Variants in RGSL1 observed in about 807,000 individuals in gnomAD.
The protein encoded by RGSL1 is regulator of G protein signaling protein-like.
RGSL1 carries 97 observed loss-of-function variants against 124.7 expected under a neutral mutation model. The observed-to-expected ratio is 0.78, with a 90% CI of 0.66 to 0.92. RGSL1 has a LOEUF of 0.92. Ranked by LOEUF, RGSL1 falls within the 40% of genes least tolerant of loss-of-function variation. The probability of loss-of-function intolerance (pLI) is 0.00; values close to 1 mark genes in which losing one functional copy is unlikely to be tolerated. For synonymous variants in RGSL1, 424 were observed against 438.1 expected (o/e 0.97, Z 0.40); for missense variants, 1,233 against 1,288.4 (o/e 0.96, Z 0.66).
At chr1:182,472,671 G>C in intron 5 of RGSL1, 114 bp downstream of exon 5, 3 of 1,144,006 alleles carry the variant, frequency 2.6e-6, no homozygotes, top group Non-Finnish European at 3.6e-6. Context: ...CATCTTCTAT[G>C]TATCAGAGAG....
intron 2 of RGSL1, among the ~76,000 whole-genome samples, chr1:182,454,917 G>A (rs577590925): frequency 6.6e-6 from 1 of 152,076 alleles, no homozygotes; most frequent in South Asian, 2.1e-4. Flanking sequence ...CCCATAAGAT[G>A]GTATATACTA....
chr1:182,554,081 C>T (rs1660722353), intron 19 of RGSL1, among the ~76,000 whole-genome samples: 1 of 152,200 alleles, frequency 6.6e-6, no homozygotes, highest in South Asian at 2.1e-4. Flanking sequence ...CAACCCCACT[C>T]CCACACTCTA....
rs1484576281 is a variant in RGSL1, at chr1:182,489,110, TG to T, written c.1627del (p.Asp543ThrfsTer8). Reference sequence around the variant, plus strand: ...CAGGCTTTGGCTGACATGAAGGAAATGGACTATAGGCAGTGGCGAAAGATAG... The same window carrying T: ...CAGGCTTTGGCTGACATGAAGGAAATGACTATAGGCAGTGGCGAAAGATAG... The part of the protein sequence containing the change: ...LSQALADMKE[M>X]DYRQWRKIAT... On this transcript the variant is annotated frameshift_variant, in exon 8 of 22. Transcript: ENST00000294854. LOFTEE classifies it high-confidence loss of function. The T allele has an allele frequency of 1.3e-6, 2 of 1,551,440 alleles. No individual in the cohort carries two copies. The highest frequency in any genetic ancestry group is 1.7e-6 in the Non-Finnish European group (2 of 1,146,992).
At chr1:182,465,834 T>A (rs1395698351) in intron 4 of RGSL1, among the ~76,000 whole-genome samples, 4 of 152,066 alleles carry the variant, frequency 2.6e-5, no homozygotes, top group Non-Finnish European at 4.4e-5. Context: ...ATTACCCTGA[T>A]ACTAAAGCCA....
At chr1:182,509,836 C>T (rs1657247148) in intron 9 of RGSL1, among the ~76,000 whole-genome samples, 1 of 138,842 alleles carries the variant, frequency 7.2e-6, no homozygotes, top group African/African-American at 2.8e-5. Context: ...CCACCTCCCT[C>T]CCGGACGGGG....
chr1:182,480,570 C>T (rs987702026), intron 6 of RGSL1, among the ~76,000 whole-genome samples: 4 of 152,020 alleles, frequency 2.6e-5, no homozygotes, highest in Non-Finnish European at 4.4e-5. Flanking sequence ...ATTCCTCTAC[C>T]TTAGCCTCCT....
chr1:182,541,094 C>G (rs1248403543), intron 15 of RGSL1, among the ~76,000 whole-genome samples: 1 of 152,076 alleles, frequency 6.6e-6, no homozygotes, highest in Non-Finnish European at 1.5e-5. Flanking sequence ...TTATGCTAGA[C>G]AGATTCAAAT....
In RGSL1 at chr1:182,548,303, C is replaced by T. The variant is rs1660345447; in HGVS notation, c.2670-14C>T. On this transcript the variant is annotated splice_polypyrimidine_tract_variant and intron_variant, in intron 15 of 21. Transcript: ENST00000294854. ...CTTCTCCTCCTGATTTCCTACTTCA[C>T]ATTTCTTTTTTAGATTTAATGATCT... is the stretch of plus-strand genomic sequence containing the variant. 3.2e-6 allele frequency: 5 copies of T among 1,551,666 alleles called. No homozygotes were observed. Among genetic ancestry groups the T allele is most frequent in the Non-Finnish European group, 4.4e-6 (5 of 1,146,960 alleles).
At position 182,540,346 on chromosome 1, in the gene RGSL1, G is replaced by A. The variant is rs193256196; in HGVS notation, c.2594G>A (p.Arg865His). The change falls in exon 15 of 22, where the codon CGT (arginine) becomes CAT (histidine). Residue 865 changes from arginine to histidine, a missense_variant. Coordinates refer to ENST00000294854, the MANE Select transcript of RGSL1 (RefSeq NM_001137669.2). ...QENGEITLVKRRIFGHRIITV... is the reference protein window; with the variant it reads ...QENGEITLVKHRIFGHRIITV... Reference sequence around the variant, plus strand: ...AATGGAGAAATAACCCTTGTAAAGCGTCGTATATTTGGCCACAGGATTATC... The same window carrying A: ...AATGGAGAAATAACCCTTGTAAAGCATCGTATATTTGGCCACAGGATTATC... 2.4e-4 allele frequency: 378 copies of A among 1,551,320 alleles called. 1 individual carries two copies. In the African/African-American group the frequency reaches 3.9e-3, roughly 16 times the overall value.
At chr1:182,456,239 T>G (rs1376051046) in intron 2 of RGSL1, among the ~76,000 whole-genome samples, 1 of 152,094 alleles carries the variant, frequency 6.6e-6, no homozygotes, top group Non-Finnish European at 1.5e-5. Flanking sequence ...GGGTCTTTTA[T>G]GTGTTTCTCA....
At chr1:182,492,907 A>T in intron 8 of RGSL1, 115 bp from the exon 9 acceptor site, 2 of 712,158 alleles carry the variant, frequency 2.8e-6, no homozygotes, top group East Asian at 2.7e-5. Context: ...GGGATTACAA[A>T]CGTGAGCCAC....
At chr1:182,546,371 T>C (rs1207383013) in intron 15 of RGSL1, among the ~76,000 whole-genome samples, 4 of 152,008 alleles carry the variant, frequency 2.6e-5, no homozygotes, top group Non-Finnish European at 4.4e-5. Flanking sequence ...TGTTTTAAAC[T>C]GCCTGGCCAC....
rs1049408202 is a variant in RGSL1 at position 182,528,178 on chromosome 1, T to C, written c.2125+406T>C. Among the ~76,000 whole-genome samples, 39 of 152,030 alleles carry C rather than the reference T, an allele frequency of 2.6e-4. 2 individuals are homozygous for C. Among genetic ancestry groups the C allele is most frequent in the Non-Finnish European group, 2.9e-5 (2 of 67,990 alleles). On this transcript the variant is annotated intron_variant, in intron 11 of 21. Transcript: ENST00000294854. ...AAGCCCCTTGTAAAATCATCAGATCTCATGAGAACTCACTCACTATCATGA... is the reference window on the plus strand; with the variant it reads ...AAGCCCCTTGTAAAATCATCAGATCCCATGAGAACTCACTCACTATCATGA...
intron 6 of RGSL1, among the ~76,000 whole-genome samples, chr1:182,480,871 C>CA (rs902694110): frequency 1.3e-5 from 2 of 150,556 alleles, no homozygotes; most frequent in African/African-American, 2.4e-5. Context: ...ACTAGTAGCT[C>CA]AAAAAAAATC....
intron 8 of RGSL1, among the ~76,000 whole-genome samples, chr1:182,492,778 G>A (rs1039224540): frequency 7.9e-5 from 12 of 151,902 alleles, no homozygotes; most frequent in Admixed American, 2.0e-4. Flanking sequence ...ACAGGCGCCC[G>A]CCACCATACC....
chr1:182,492,301 A>G (rs1397719605), intron 8 of RGSL1, among the ~76,000 whole-genome samples: 1 of 152,236 alleles, frequency 6.6e-6, no homozygotes, highest in Non-Finnish European at 1.5e-5. Context: ...CCTGGGCAAC[A>G]TGGCAAAAAC....
chr1:182,501,903 T>A (rs1656413910), intron 9 of RGSL1, among the ~76,000 whole-genome samples: 1 of 152,230 alleles, frequency 6.6e-6, no homozygotes, highest in East Asian at 1.9e-4. Context: ...TGGGTGGTTC[T>A]TGATTATTGG....
intron 1 of RGSL1, among the ~76,000 whole-genome samples, chr1:182,453,757 A>AGTGTTTAAG (rs1652042199): frequency 6.6e-6 from 1 of 152,194 alleles, no homozygotes; most frequent in Non-Finnish European, 1.5e-5. Flanking sequence ...TGAGCTCCCC[A>AGTGTTTAAG]CAGCTGGGAG....
chr1:182,488,954 ATCTTCCCCTCACCC>A lies in RGSL1; in HGVS notation c.1495-20_1495-7del. On this transcript the variant is annotated splice_polypyrimidine_tract_variant and intron_variant, in intron 7 of 21. Transcript: ENST00000294854. ...TGGTCTAGTTCCTGTAACAAATGCC[ATCTTCCCCTCACCC>A]TCTTCTCTTAGACACAGAACAGGTT... 1 of 1,534,796 alleles carries A rather than the reference ATCTTCCCCTCACCC, an allele frequency of 6.5e-7. No individual in the cohort carries two copies. Among genetic ancestry groups the A allele is most frequent in the Non-Finnish European group, 8.8e-7 (1 of 1,134,986 alleles).
Sources: allele counts gnomAD v4.1 joint callset (sites outside exome capture counted in the v4.1 genomes callset), GRCh38; gene constraint gnomAD v4.1.1; transcripts MANE v1.5; gene names NCBI Gene and HGNC (gene_info 2026-07-23, HGNC 2026-07-21).